ACSL6: variants seen among roughly 807,000 people sequenced by gnomAD.
ACSL6 encodes acyl-CoA synthetase long chain family member 6.
Under a neutral mutation model 98.2 loss-of-function variants are expected in ACSL6, and 47 were observed. That is an observed-to-expected ratio of 0.48 (90% CI 0.38 to 0.61). The LOEUF (loss-of-function observed/expected upper bound fraction) is 0.61, where lower values mean the gene tolerates loss of function less well. Among genes scored for constraint, ACSL6 ranks in the 20% least tolerant of loss-of-function variants. ACSL6 has a pLI of 0.00. For missense variants in ACSL6, 761 were observed against 913.4 expected (o/e 0.83, Z 2.15); for synonymous variants, 362 against 336.9 (o/e 1.07, Z -0.82).
At chr5:131,970,769 AC>A (rs1327978178) in intron 14 of ACSL6, among the ~76,000 whole-genome samples, 4 of 152,148 alleles carry the variant, frequency 2.6e-5, no homozygotes, top group South Asian at 2.1e-4. Context: ...CCTATTTTCA[AC>A]CACTGAATCT....
At position 131,975,412 on chromosome 5, in the gene ACSL6, T is replaced by A. The variant is rs192517804; in HGVS notation, c.991-442A>T. 5.8e-4 allele frequency: 574 copies of A among 985,368 alleles called. 1 individual carries two copies. The African/African-American group carries it at 9.3e-3, about 16-fold the overall frequency. The allele number at this position is 985,368 out of a possible 1,614,324, so 61.0% of individuals were successfully genotyped here. On this transcript the variant is annotated intron_variant, in intron 10 of 20. Transcript: ENST00000651883. ...CCTGCAGGACCTGCCCCACACCCCA[T>A]TTCTCCAGGATCCCTGGGCTACCCG...
In ACSL6 at chr5:131,972,790, G is replaced by T. The variant is rs375706829; in HGVS notation, c.1272C>A (p.Ala424=). The T allele has an allele frequency of 1.6e-4, 265 of 1,614,020 alleles. No individual in the cohort carries two copies. The highest frequency in any genetic ancestry group is 2.1e-4 in the Non-Finnish European group (246 of 1,180,038). The change falls in exon 13 of 21, where the codon GCC becomes GCA. Residue 424 remains alanine (A), a synonymous_variant. Coordinates refer to ENST00000651883, the MANE Select transcript of ACSL6 (RefSeq NM_001009185.3). ...TCCTGATGATTCCACTCCGGACCTCGGCTTGCTTACGCTTTGCTGCAAACT... is the reference window on the plus strand; with the variant it reads ...TCCTGATGATTCCACTCCGGACCTCTGCTTGCTTACGCTTTGCTGCAAACT... ...LLEFAAKRKQ[A]EVRSGIIRND...
chr5:131,962,465 G>A, intron 18 of ACSL6, 70 bp downstream of exon 18: 4 of 1,514,196 alleles, frequency 2.6e-6, no homozygotes, highest in Non-Finnish European at 8.9e-7. Context: ...CCTGATTGGA[G>A]GTTAATGTTT....
At chr5:131,995,141 T>C (rs1754730859) in intron 1 of ACSL6, among the ~76,000 whole-genome samples, 1 of 151,744 alleles carries the variant, frequency 6.6e-6, no homozygotes, top group Non-Finnish European at 1.5e-5. Context: ...CCCAAGTGGG[T>C]ACAGTGGGCC....
intron 10 of ACSL6, chr5:131,975,574 A>G (rs530395762): frequency 3.1e-6 from 3 of 983,504 alleles, no homozygotes; most frequent in Non-Finnish European, 3.6e-6. Context: ...CCAAACCCCA[A>G]ACACTGGCTG....
chr5:132,005,530 C>T (rs1193147865), intron 1 of ACSL6, among the ~76,000 whole-genome samples: 1 of 152,236 alleles, frequency 6.6e-6, no homozygotes, highest in South Asian at 2.1e-4. Flanking sequence ...TCTAACTGTC[C>T]TTGCTGTGTA....
chr5:131,988,794 A>T lies in ACSL6; in HGVS notation c.652+11T>A, dbSNP rs780181379. On this transcript the variant is annotated intron_variant, in intron 6 of 20. Coordinates refer to ENST00000651883, the MANE Select transcript of ACSL6 (RefSeq NM_001009185.3). Reference sequence around the variant, plus strand: ...GTTGCCAGTGGCAGGGTGGGGTGGCAGTGGGCTTACCTGTATTGATGATGT... The same window carrying T: ...GTTGCCAGTGGCAGGGTGGGGTGGCTGTGGGCTTACCTGTATTGATGATGT... 5.6e-6 allele frequency: 9 copies of T among 1,612,792 alleles called. No homozygotes were observed. The highest frequency in any genetic ancestry group is 6.8e-6 in the Non-Finnish European group (8 of 1,179,100).
intron 9 of ACSL6, among the ~76,000 whole-genome samples, chr5:131,980,936 C>G (rs961513599): frequency 2.6e-5 from 4 of 152,156 alleles, no homozygotes; most frequent in African/African-American, 7.2e-5. Context: ...CAGAGGGGCT[C>G]TCTTCCCAGA....
rs763919408 is a variant in ACSL6 at position 131,966,374 on chromosome 5, A to G, written c.1713+42T>C. 36 of 1,597,610 alleles carry G rather than the reference A, an allele frequency of 2.3e-5. No homozygotes were observed. The South Asian group carries it at 2.4e-4, about 11-fold the overall frequency. The stretch of plus-strand genomic sequence containing the variant: ...AGTGACCCGGACCACACACCCTCCC[A>G]CTGCCAAATGTTTGGAGCTCCGTGG... On this transcript the variant is annotated intron_variant, in intron 17 of 20. Coordinates refer to ENST00000651883, the MANE Select transcript of ACSL6 (RefSeq NM_001009185.3).
In ACSL6 at chr5:131,979,475, G is replaced by A. The variant is rs373994192; in HGVS notation, c.917-2754C>T. On this transcript the variant is annotated intron_variant, in intron 9 of 20. Transcript: ENST00000651883. ...CGCCATTCAGTTCAAGCCAAAACAC[G>A]TACAACAGCAGTAGTTATTCAATTC... Among the ~76,000 whole-genome samples, 88 of 152,204 alleles carry A rather than the reference G, an allele frequency of 5.8e-4. 1 individual carries two copies. The highest frequency in any genetic ancestry group is 6.9e-4 in the Non-Finnish European group (47 of 68,046).
At chr5:131,996,484 T>C (rs777957480) in intron 1 of ACSL6, among the ~76,000 whole-genome samples, 5 of 152,158 alleles carry the variant, frequency 3.3e-5, no homozygotes, top group Non-Finnish European at 5.9e-5. Flanking sequence ...CTGATGGACA[T>C]TTTTCTTGAA....
chr5:132,001,296 A>G (rs758551743), intron 1 of ACSL6, among the ~76,000 whole-genome samples: 9 of 152,160 alleles, frequency 5.9e-5, no homozygotes, highest in African/African-American at 9.7e-5. Context: ...CACAGCCTTC[A>G]CCATCACACA....
At chr5:131,987,216 C>T (rs1272306719) in intron 7 of ACSL6, among the ~76,000 whole-genome samples, 2 of 152,196 alleles carry the variant, frequency 1.3e-5, no homozygotes, top group African/African-American at 4.8e-5. Context: ...GTCTGAGCCC[C>T]AGGGAGAGGC....
chr5:131,972,854 A>C lies in ACSL6; in HGVS notation c.1208T>G (p.Phe403Cys), dbSNP rs769108228. The C allele has an allele frequency of 5.6e-6, 9 of 1,614,198 alleles. No individual in the cohort carries two copies. In the South Asian group the frequency reaches 9.9e-5, roughly 18 times the overall value. ...RLLNRMYDKI[F>C]SQANTPLKRW... Reference sequence around the variant, plus strand: ...CTTTAATGGTGTGTTTGCCTGGCTGAAGATCTGAGGAACATAAGTTGGAAG... The same window carrying C: ...CTTTAATGGTGTGTTTGCCTGGCTGCAGATCTGAGGAACATAAGTTGGAAG... Residue 403 changes from phenylalanine to cysteine, a missense_variant, in exon 13 of 21, where the codon TTC becomes TGC. Phe to Cys is a radical substitution (Grantham distance 205). Transcript: ENST00000651883.
At chr5:131,970,607 C>T (rs1355729815) in intron 14 of ACSL6, among the ~76,000 whole-genome samples, 1 of 152,006 alleles carries the variant, frequency 6.6e-6, no homozygotes, top group Non-Finnish European at 1.5e-5. Context: ...GACGGGGTTT[C>T]ATCGTGTTAG....
intron 10 of ACSL6, 68 bp downstream of exon 10, chr5:131,976,580 A>G: frequency 7.4e-7 from 1 of 1,359,642 alleles, no homozygotes; most frequent in South Asian, 1.3e-5. Context: ...AAACAAATAA[A>G]AAAAAATCCT....
intron 1 of ACSL6, among the ~76,000 whole-genome samples, chr5:132,007,423 TC>T (rs1755474456): frequency 6.6e-6 from 1 of 152,192 alleles, no homozygotes; most frequent in African/African-American, 2.4e-5. Context: ...GAATCCTGGA[TC>T]CCCTTTAAGG....
At chr5:132,008,468 T>C (rs967886306) in intron 1 of ACSL6, among the ~76,000 whole-genome samples, 4 of 152,222 alleles carry the variant, frequency 2.6e-5, no homozygotes, top group Admixed American at 6.5e-5. Flanking sequence ...TTCTCCTTAC[T>C]GGAGCCCAGC....
chr5:131,966,198 C>T lies in ACSL6; in HGVS notation c.1713+218G>A, dbSNP rs549243377. ...TCAGTCTCCAAGACCTCAGCCACAC[C>T]CACCTGCACAGGTCCCTCATCACCT... On this transcript the variant is annotated intron_variant, in intron 17 of 20. Transcript: ENST00000651883. 4.6e-3 allele frequency among the ~76,000 whole-genome samples: 699 copies of T among 152,260 alleles called. 4 individuals are homozygous for T. Among genetic ancestry groups the T allele is most frequent in the African/African-American group, 0.016 (662 of 41,560 alleles).
Sources: gnomAD v4.1 joint callset for allele counts (sites outside exome capture counted in the v4.1 genomes callset) on GRCh38, gnomAD v4.1.1 for gene constraint, MANE v1.5 for transcripts, NCBI Gene and HGNC (gene_info 2026-07-23, HGNC 2026-07-21) for gene names.